CSMD3: variants seen among roughly 807,000 people sequenced by gnomAD.
The protein encoded by CSMD3 is CUB and sushi domain-containing protein 3.
A neutral mutation model predicts 435.2 loss-of-function variants in CSMD3; 177 were observed. The ratio of observed to expected loss-of-function variants is 0.41; its 90% CI spans 0.36 to 0.46. The LOEUF (loss-of-function observed/expected upper bound fraction) is 0.46. Among genes scored for constraint, CSMD3 ranks in the 20% least tolerant of loss-of-function variants. The probability of loss-of-function intolerance (pLI) is 0.34; values close to 1 mark genes in which losing one functional copy is unlikely to be tolerated. For synonymous variants in CSMD3, 1,656 were observed against 1,520.5 expected (o/e 1.09, Z -2.07); for missense variants, 4,265 against 4,504.6 (o/e 0.95, Z 1.52).
intron 9 of CSMD3, among the ~76,000 whole-genome samples, chr8:112,929,461 T>G (rs1587695848): frequency 6.6e-6 from 1 of 152,126 alleles, no homozygotes; most frequent in Non-Finnish European, 1.5e-5. Context: ...ATTTTATTTT[T>G]ATTTTGATAA....
chr8:112,349,881 C>G (rs74665842), intron 40 of CSMD3, among the ~76,000 whole-genome samples: 3,029 of 152,068 alleles, frequency 0.02, 111 homozygotes, highest in African/African-American at 0.068. Flanking sequence ...TTATGTCCCC[C>G]CAAAATTTAT....
chr8:113,405,048 G>T (rs1260529305), intron 1 of CSMD3, among the ~76,000 whole-genome samples: 1 of 151,470 alleles, frequency 6.6e-6, no homozygotes, highest in Non-Finnish European at 1.5e-5. Flanking sequence ...GTGAGTAAAT[G>T]ATCATCACTT....
intron 32 of CSMD3, among the ~76,000 whole-genome samples, chr8:112,430,177 C>A (rs1184260124): frequency 6.6e-6 from 1 of 152,010 alleles, no homozygotes; most frequent in Non-Finnish European, 1.5e-5. Flanking sequence ...TTTTCTAACT[C>A]CGCTTCCATA....
Position 113,224,064 on chromosome 8 carries a change from C to T in CSMD3, c.515-50148G>A, listed in dbSNP as rs151194389. On this transcript the variant is annotated intron_variant, in intron 3 of 70. Coordinates refer to ENST00000297405, the MANE Select transcript of CSMD3 (RefSeq NM_198123.2). The stretch of plus-strand genomic sequence containing the variant: ...TACCATGGATTTCCCATCAGATAGA[C>T]CAGATAGATGTCCTACAATTTCACA... Among the ~76,000 whole-genome samples, 1,257 of 151,186 alleles carry T rather than the reference C, an allele frequency of 8.3e-3. 17 individuals are homozygous for T. Among genetic ancestry groups the T allele is most frequent in the African/African-American group, 0.028 (1,178 of 41,400 alleles).
At chr8:113,106,819 T>C (rs12541577) in intron 4 of CSMD3, among the ~76,000 whole-genome samples, 102,180 of 151,874 alleles carry the variant, frequency 0.67, 35,973 homozygotes, top group East Asian at 0.95. Context: ...GCAATCTTTG[T>C]TATCCACATT....
intron 3 of CSMD3, among the ~76,000 whole-genome samples, chr8:113,260,146 T>C (rs1383081859): frequency 6.6e-6 from 1 of 152,150 alleles, no homozygotes; most frequent in East Asian, 1.9e-4. Flanking sequence ...CCTCTTTCCT[T>C]TATAAGTTAC....
chr8:112,233,861 A>G (rs1183202564), intron 68 of CSMD3, among the ~76,000 whole-genome samples: 1 of 152,122 alleles, frequency 6.6e-6, no homozygotes, highest in Non-Finnish European at 1.5e-5. Flanking sequence ...AGCTCACATA[A>G]GTTCCTTTTC....
chr8:113,137,927 A>T lies in CSMD3; in HGVS notation c.709+35795T>A, dbSNP rs148015807. On this transcript the variant is annotated intron_variant, in intron 4 of 70. Transcript: ENST00000297405. Reference sequence around the variant, plus strand: ...AATGACACAATGAGTCCCAAGATAGATCTCAACTTCTTCTCCTTAGCACTC... The same window carrying T: ...AATGACACAATGAGTCCCAAGATAGTTCTCAACTTCTTCTCCTTAGCACTC... 5.9e-3 allele frequency among the ~76,000 whole-genome samples: 888 copies of T among 151,666 alleles called. 4 individuals carry two copies. The highest frequency in any genetic ancestry group is 0.019 in the African/African-American group (792 of 41,480).
chr8:112,322,467 C>T (rs1823088965), intron 45 of CSMD3, among the ~76,000 whole-genome samples: 1 of 151,984 alleles, frequency 6.6e-6, no homozygotes, highest in Non-Finnish European at 1.5e-5. Context: ...CACTGTGAGC[C>T]CATGGAGGGT....
chr8:113,125,028 G>A (rs2131650991), intron 4 of CSMD3, among the ~76,000 whole-genome samples: 1 of 152,090 alleles, frequency 6.6e-6, no homozygotes, highest in East Asian at 1.9e-4. Flanking sequence ...ATACTGGAAG[G>A]TGTCTCTTTC....
At chr8:112,516,983 T>C in intron 28 of CSMD3, 51 bp downstream of exon 28, 3 of 1,399,910 alleles carry the variant, frequency 2.1e-6, no homozygotes, top group African/African-American at 1.4e-5. Flanking sequence ...TACCAGTTTT[T>C]AACCATTGTT....
intron 13 of CSMD3, among the ~76,000 whole-genome samples, chr8:112,774,061 TC>T (rs925033784): frequency 2.6e-5 from 4 of 152,024 alleles, no homozygotes; most frequent in Non-Finnish European, 4.4e-5. Flanking sequence ...AGAGAACATA[TC>T]AGCTATGGAA....
intron 2 of CSMD3, chr8:113,309,507 C>T (rs947064976): frequency 4.6e-5 from 7 of 152,094 alleles, no homozygotes; most frequent in East Asian, 3.9e-4. Flanking sequence ...TATCTGCCTC[C>T]GCCTTAAGAT....
chr8:112,304,392 TA>T (rs1393586037), intron 52 of CSMD3, among the ~76,000 whole-genome samples: 1 of 148,520 alleles, frequency 6.7e-6, no homozygotes, highest in Admixed American at 6.8e-5. Context: ...TTTTTTTTTT[TA>T]ACCAAATGAG....
intron 45 of CSMD3, 119 bp from the exon 46 acceptor site, chr8:112,320,100 T>C (rs1586759098): frequency 1.5e-6 from 1 of 687,766 alleles, no homozygotes; most frequent in African/African-American, 1.8e-5. Context: ...TTACATAATT[T>C]ATCAAGTGTC....
At chr8:112,736,842 G>A (rs1402034249) in intron 13 of CSMD3, among the ~76,000 whole-genome samples, 3 of 151,876 alleles carry the variant, frequency 2.0e-5, no homozygotes, top group African/African-American at 7.2e-5. Flanking sequence ...AGGGAACAAT[G>A]GGAGAAAATC....
At chr8:113,259,832 G>GT (rs2093412617) in intron 3 of CSMD3, among the ~76,000 whole-genome samples, 2 of 152,114 alleles carry the variant, frequency 1.3e-5, no homozygotes, top group African/African-American at 4.8e-5. Context: ...TATAAGAGCA[G>GT]TGATATGGTT....
intron 9 of CSMD3, among the ~76,000 whole-genome samples, chr8:112,944,392 C>T (rs2083541282): frequency 6.6e-6 from 1 of 151,632 alleles, no homozygotes; most frequent in Non-Finnish European, 1.5e-5. Context: ...TTCTTTACCT[C>T]TACCCTCTCT....
intron 1 of CSMD3, among the ~76,000 whole-genome samples, chr8:113,355,601 C>A (rs2094217132): frequency 6.6e-6 from 1 of 151,274 alleles, no homozygotes; most frequent in Non-Finnish European, 1.5e-5. Context: ...GGTACCATCA[C>A]ATTGAGGAAT....
Sources: gnomAD v4.1 joint callset for allele counts (sites outside exome capture counted in the v4.1 genomes callset) on GRCh38, gnomAD v4.1.1 for gene constraint, MANE v1.5 for transcripts, NCBI Gene and HGNC (gene_info 2026-07-23, HGNC 2026-07-21) for gene names.